Variants in GPC6 observed in about 807,000 individuals in gnomAD.
GPC6 encodes the protein glypican-6.
GPC6 carries 14 observed loss-of-function variants against 55.2 expected under a neutral mutation model. The observed-to-expected ratio is 0.25, with a 90% CI of 0.17 to 0.40. The LOEUF (loss-of-function observed/expected upper bound fraction) is 0.40. Ranked by LOEUF, GPC6 falls within the 10% of genes least tolerant of loss-of-function variation. The pLI, the probability that GPC6 is intolerant of heterozygous loss-of-function variation, is 1.00. For synonymous variants in GPC6, 278 were observed against 259.6 expected (o/e 1.07, Z -0.68); for missense variants, 641 against 708.5 (o/e 0.90, Z 1.08).
At chr13:93,243,906 T>C (rs1876518710) in intron 1 of GPC6, among the ~76,000 whole-genome samples, 1 of 152,046 alleles carries the variant, frequency 6.6e-6, no homozygotes, top group Admixed American at 6.6e-5. Flanking sequence ...CATGGGATGC[T>C]TGGCCTGTGT....
chr13:93,682,161 A>T (rs1290048704), intron 2 of GPC6, among the ~76,000 whole-genome samples: 3 of 152,194 alleles, frequency 2.0e-5, no homozygotes, highest in Admixed American at 2.0e-4. Context: ...ATTATCTCAG[A>T]AGAGTTTCCC....
chr13:93,808,943 C>T (rs1240034656), intron 2 of GPC6, among the ~76,000 whole-genome samples: 3 of 152,066 alleles, frequency 2.0e-5, no homozygotes, highest in Admixed American at 6.6e-5. Context: ...GAGATGATGG[C>T]GGCTCCATCA....
chr13:93,408,746 T>C (rs1447540310), intron 1 of GPC6, among the ~76,000 whole-genome samples: 1 of 151,214 alleles, frequency 6.6e-6, no homozygotes, highest in East Asian at 1.9e-4. Flanking sequence ...TGCTAGGGAG[T>C]GTAAGAGAGG....
At chr13:93,276,214 C>A (rs1382925022) in intron 1 of GPC6, among the ~76,000 whole-genome samples, 1 of 151,950 alleles carries the variant, frequency 6.6e-6, no homozygotes, top group Non-Finnish European at 1.5e-5. Flanking sequence ...CAGGGTAAAA[C>A]CATTTACCCT....
chr13:93,428,507 C>T (rs1877237832), intron 1 of GPC6, among the ~76,000 whole-genome samples: 1 of 152,104 alleles, frequency 6.6e-6, no homozygotes, highest in African/African-American at 2.4e-5. Context: ...ATGTTCACTG[C>T]CTGAAGATTA....
chr13:93,559,520 A>G (rs1186987752), intron 2 of GPC6, among the ~76,000 whole-genome samples: 2 of 152,190 alleles, frequency 1.3e-5, no homozygotes, highest in African/African-American at 4.8e-5. Context: ...GACTTAGTAT[A>G]TGGATCACTA....
chr13:93,800,710 GT>G (rs1303225262), intron 2 of GPC6, among the ~76,000 whole-genome samples: 1 of 152,116 alleles, frequency 6.6e-6, no homozygotes. Flanking sequence ...TATTCCATCT[GT>G]AAGCAATGTG....
chr13:94,304,329 G>A (rs567104548), intron 5 of GPC6, among the ~76,000 whole-genome samples: 2 of 152,226 alleles, frequency 1.3e-5, no homozygotes, highest in Non-Finnish European at 2.9e-5. Flanking sequence ...AAAACAAAAT[G>A]AATTGTGTCT....
chr13:94,346,435 A>C (rs1046710540), intron 6 of GPC6, among the ~76,000 whole-genome samples: 13 of 152,290 alleles, frequency 8.5e-5, no homozygotes, highest in African/African-American at 3.1e-4. Flanking sequence ...TCTAACAAGA[A>C]TCACTGGCCG....
At chr13:94,346,232 G>A (rs1294594108) in intron 6 of GPC6, among the ~76,000 whole-genome samples, 1 of 152,150 alleles carries the variant, frequency 6.6e-6, no homozygotes, top group African/African-American at 2.4e-5. Flanking sequence ...AGACTTCCAG[G>A]TAATGTTTTA....
At chr13:93,836,635 C>T (rs565878372) in intron 3 of GPC6, among the ~76,000 whole-genome samples, 1 of 152,264 alleles carries the variant, frequency 6.6e-6, no homozygotes, top group South Asian at 2.1e-4. Flanking sequence ...TGTTTCTATG[C>T]TTACAACTTT....
chr13:93,972,908 T>G (rs1880345351), intron 3 of GPC6, among the ~76,000 whole-genome samples: 1 of 151,882 alleles, frequency 6.6e-6, no homozygotes, highest in Admixed American at 6.6e-5. Context: ...TCTCTTTCTC[T>G]CTCTCTCTCT....
chr13:93,805,738 G>T (rs1040602608), intron 2 of GPC6, among the ~76,000 whole-genome samples: 2 of 152,130 alleles, frequency 1.3e-5, no homozygotes, highest in Non-Finnish European at 2.9e-5. Flanking sequence ...ATCTTGTTTA[G>T]TACTTCCACT....
chr13:93,857,373 A>T (rs1157211143), intron 3 of GPC6, among the ~76,000 whole-genome samples: 1 of 151,570 alleles, frequency 6.6e-6, no homozygotes, highest in East Asian at 1.9e-4. Flanking sequence ...TTCTATAGAT[A>T]GCTCAAGTTT....
chr13:93,353,264 T>G (rs909778909), intron 1 of GPC6, among the ~76,000 whole-genome samples: 1 of 152,194 alleles, frequency 6.6e-6, no homozygotes, highest in Non-Finnish European at 1.5e-5. Flanking sequence ...TTTTGAAAGC[T>G]GTGGGATTAG....
At chr13:93,749,098 T>C (rs977071589) in intron 2 of GPC6, among the ~76,000 whole-genome samples, 6 of 152,054 alleles carry the variant, frequency 3.9e-5, no homozygotes, top group Admixed American at 3.3e-4. Context: ...ATACTATTTT[T>C]GTTCAGAAAT....
intron 2 of GPC6, among the ~76,000 whole-genome samples, chr13:93,739,620 G>A (rs1222983797): frequency 4.6e-5 from 7 of 151,834 alleles, no homozygotes; most frequent in African/African-American, 1.5e-4. Context: ...TAGTAGAGAC[G>A]GAGTTTCACC....
chr13:94,377,357 C>A lies in GPC6; in HGVS notation c.1153-5057C>A, dbSNP rs1369909002. Among the ~76,000 whole-genome samples the A allele has an allele frequency of 2.1e-5, 2 of 96,904 alleles. 1 individual carries two copies. Among genetic ancestry groups the A allele is most frequent in the Admixed American group, 2.4e-4 (2 of 8,210 alleles). 63.6% of individuals were successfully genotyped at this position (96,904 alleles called of 152,430 possible). On this transcript the variant is annotated intron_variant, in intron 6 of 8. Transcript: ENST00000377047. ...CTCAAACAAATTTACAAGAAAAAAA[C>A]AAACAACCCCATCAAAAAGTGGGCA...
At chr13:93,370,078 G>A (rs1367844411) in intron 1 of GPC6, among the ~76,000 whole-genome samples, 1 of 152,082 alleles carries the variant, frequency 6.6e-6, no homozygotes, top group Non-Finnish European at 1.5e-5. Context: ...GAGTTTATGG[G>A]TAGATGCCTT....
Sources: allele counts gnomAD v4.1 joint callset (sites outside exome capture counted in the v4.1 genomes callset), GRCh38; gene constraint gnomAD v4.1.1; transcripts MANE v1.5; gene names NCBI Gene and HGNC (gene_info 2026-07-23, HGNC 2026-07-21).